Variants in LHFPL3 observed in about 807,000 individuals in gnomAD.
LHFPL3 encodes the protein LHFPL tetraspan subfamily member 3 protein.
In LHFPL3, 5 loss-of-function variants were observed where a neutral mutation model predicts 19.3. That is an observed-to-expected ratio of 0.26 (90% CI 0.14 to 0.54). The LOEUF (loss-of-function observed/expected upper bound fraction) is 0.54. Ranked by LOEUF, LHFPL3 falls within the 20% of genes least tolerant of loss-of-function variation. The pLI is 0.94. For synonymous variants in LHFPL3, 133 were observed against 126.2 expected (o/e 1.05, Z -0.36); for missense variants, 249 against 307.4 (o/e 0.81, Z 1.42).
intron 1 of LHFPL3, among the ~76,000 whole-genome samples, chr7:104,693,128 C>T (rs1000917041): frequency 6.6e-6 from 1 of 152,180 alleles, no homozygotes; most frequent in Non-Finnish European, 1.5e-5. Context: ...TTTTGATTTG[C>T]ATGGGGACTG....
At chr7:104,330,992 G>A (rs1162079008) in intron 1 of LHFPL3, among the ~76,000 whole-genome samples, 2 of 152,062 alleles carry the variant, frequency 1.3e-5, no homozygotes, top group Non-Finnish European at 1.5e-5. Flanking sequence ...TTTTTAAAAG[G>A]TCTGAAAATA....
At chr7:104,642,986 G>T (rs1445401863) in intron 1 of LHFPL3, among the ~76,000 whole-genome samples, 2 of 152,108 alleles carry the variant, frequency 1.3e-5, no homozygotes, top group African/African-American at 4.8e-5. Context: ...CTTCTTTTTA[G>T]TCTAACTTTA....
chr7:104,462,571 T>C (rs1335277855), intron 1 of LHFPL3, among the ~76,000 whole-genome samples: 2 of 152,246 alleles, frequency 1.3e-5, no homozygotes, highest in Non-Finnish European at 1.5e-5. Context: ...ACCAACCTTG[T>C]ATCCCGGGAA....
intron 2 of LHFPL3, among the ~76,000 whole-genome samples, chr7:104,788,321 C>T (rs1789961712): frequency 6.6e-6 from 1 of 152,140 alleles, no homozygotes; most frequent in Admixed American, 6.5e-5. Flanking sequence ...TGGTGTTTTC[C>T]AGAAGGCATC....
chr7:104,724,612 G>C (rs548874960), intron 1 of LHFPL3, among the ~76,000 whole-genome samples: 131 of 152,322 alleles, frequency 8.6e-4, no homozygotes, highest in Non-Finnish European at 1.4e-3. Context: ...TTCAGAGGGT[G>C]GAGGGTGGGA....
chr7:104,740,169 A>G (rs1793906505), intron 2 of LHFPL3, among the ~76,000 whole-genome samples: 1 of 152,134 alleles, frequency 6.6e-6, no homozygotes, highest in Admixed American at 6.5e-5. Flanking sequence ...CATGATTGTA[A>G]GTTTCCTGAG....
intron 1 of LHFPL3, among the ~76,000 whole-genome samples, chr7:104,625,451 C>A (rs1490594136): frequency 2.6e-5 from 4 of 152,136 alleles, no homozygotes; most frequent in African/African-American, 4.8e-5. Context: ...TGGGCACAAG[C>A]CCAGCAGCAG....
intron 1 of LHFPL3, among the ~76,000 whole-genome samples, chr7:104,560,577 C>G (rs1250287701): frequency 6.6e-6 from 1 of 150,904 alleles, no homozygotes; most frequent in Non-Finnish European, 1.5e-5. Context: ...CTCTTTTTTT[C>G]TTTATTAGTC....
intron 1 of LHFPL3, among the ~76,000 whole-genome samples, chr7:104,648,906 C>G (rs907790196): frequency 6.6e-6 from 1 of 152,224 alleles, no homozygotes; most frequent in African/African-American, 2.4e-5. Context: ...TGTAATTATT[C>G]TGCTGCATTT....
At chr7:104,777,835 TC>T (rs1794658138) in intron 2 of LHFPL3, among the ~76,000 whole-genome samples, 1 of 152,154 alleles carries the variant, frequency 6.6e-6, no homozygotes, top group Non-Finnish European at 1.5e-5. Flanking sequence ...AGGAACCATG[TC>T]CTTTTGAGAA....
chr7:104,709,724 C>T (rs1584491165), intron 1 of LHFPL3, among the ~76,000 whole-genome samples: 2 of 152,204 alleles, frequency 1.3e-5, no homozygotes, highest in East Asian at 3.9e-4. Context: ...TCATCATGGC[C>T]CGTTCTCAAT....
chr7:104,379,933 C>A (rs1790795574), intron 1 of LHFPL3, among the ~76,000 whole-genome samples: 1 of 152,176 alleles, frequency 6.6e-6, no homozygotes, highest in African/African-American at 2.4e-5. Flanking sequence ...TGAAAACTAT[C>A]TGACTAGAGC....
chr7:104,635,938 T>G (rs896419831), intron 1 of LHFPL3, among the ~76,000 whole-genome samples: 1 of 152,202 alleles, frequency 6.6e-6, no homozygotes, highest in Non-Finnish European at 1.5e-5. Flanking sequence ...TGAGAGGCTG[T>G]TTATAGAGCT....
intron 1 of LHFPL3, among the ~76,000 whole-genome samples, chr7:104,360,737 GTGTGTA>G (rs1562874775): frequency 3.4e-5 from 4 of 116,472 alleles, no homozygotes; most frequent in African/African-American, 1.4e-4. Flanking sequence ...GTGTGTGTGT[GTGTGTA>G]TACATTTACA....
chr7:104,525,410 T>G (rs780120675), intron 1 of LHFPL3, among the ~76,000 whole-genome samples: 1 of 152,038 alleles, frequency 6.6e-6, no homozygotes, highest in Non-Finnish European at 1.5e-5. Flanking sequence ...GCAGATACTT[T>G]TGGTTGCAAG....
chr7:104,752,019 G>A (rs1304152477), intron 2 of LHFPL3, among the ~76,000 whole-genome samples: 2 of 152,144 alleles, frequency 1.3e-5, no homozygotes, highest in Non-Finnish European at 2.9e-5. Flanking sequence ...GGGGGTGGCC[G>A]ATACTGAAGT....
intron 2 of LHFPL3, among the ~76,000 whole-genome samples, chr7:104,821,134 G>A (rs1336510914): frequency 2.0e-5 from 3 of 152,104 alleles, no homozygotes; most frequent in Non-Finnish European, 4.4e-5. Context: ...AAAAAATGTC[G>A]TTATGTAGTG....
chr7:104,657,594 G>T (rs150456886), intron 1 of LHFPL3, among the ~76,000 whole-genome samples: 1 of 152,238 alleles, frequency 6.6e-6, no homozygotes, highest in Admixed American at 6.5e-5. Flanking sequence ...ATTGAGGATT[G>T]TGTAGCTAAT....
chr7:104,602,551 C>T (rs1790990918), intron 1 of LHFPL3, among the ~76,000 whole-genome samples: 1 of 152,150 alleles, frequency 6.6e-6, no homozygotes, highest in South Asian at 2.1e-4. Context: ...GGTTTCTATT[C>T]AATATTGATT....
Sources: allele counts gnomAD v4.1 joint callset (sites outside exome capture counted in the v4.1 genomes callset), GRCh38; gene constraint gnomAD v4.1.1; transcripts MANE v1.5; gene names NCBI Gene and HGNC (gene_info 2026-07-23, HGNC 2026-07-21).